Variants in IFFO2 observed in about 807,000 individuals in gnomAD.
IFFO2 encodes the protein intermediate filament family orphan 2.
IFFO2 carries 19 observed loss-of-function variants against 53.5 expected under a neutral mutation model. The ratio of observed to expected loss-of-function variants is 0.36; its 90% CI spans 0.25 to 0.52. The LOEUF (loss-of-function observed/expected upper bound fraction) is 0.52, where lower values mean the gene tolerates loss of function less well. Ranked by LOEUF, IFFO2 falls within the 20% of genes least tolerant of loss-of-function variation. IFFO2 has a pLI of 0.94. For synonymous variants in IFFO2, 303 were observed against 313.6 expected (o/e 0.97, Z 0.36); for missense variants, 570 against 727.4 (o/e 0.78, Z 2.49).
intron 1 of IFFO2, among the ~76,000 whole-genome samples, chr1:18,954,130 G>A (rs559721948): frequency 6.6e-6 from 1 of 152,360 alleles, no homozygotes; most frequent in East Asian, 1.9e-4. Context: ...CAGGAGAGAA[G>A]CCCGTCTCCC....
At chr1:18,915,386 C>CA (rs55893921) in intron 5 of IFFO2, among the ~76,000 whole-genome samples, 143,489 of 152,028 alleles carry the variant, frequency 0.94, 67,740 homozygotes, top group South Asian at 0.96. Context: ...TGATTGGTAG[C>CA]TCTGATTTCC....
In IFFO2 at chr1:18,956,322, G is replaced by A; in HGVS notation, c.11C>T (p.Ser4Leu). ...CAAGGCCATCTCCCCGAACAGCAGC[G>A]AGTTCACCATGCGCCGGCTGCGCGG... MVNSLLFGEMALAF... is the reference protein window; with the variant it reads MVNLLLFGEMALAF... The change falls in exon 1 of 9, where the codon TCG (serine) becomes TTG (leucine). Residue 4 changes from serine to leucine, a missense_variant. Ser to Leu is a moderately radical substitution (Grantham distance 145). Transcript: ENST00000455833. The surrounding 1 kb of genome is among the most constrained non-coding windows in gnomAD (Gnocchi z 6.4). 1 of 378,362 alleles carries A rather than the reference G, an allele frequency of 2.6e-6. No individual in the cohort carries two copies. Among genetic ancestry groups the A allele is most frequent in the Non-Finnish European group, 4.0e-6 (1 of 252,994 alleles). The allele number at this position is 378,362 out of a possible 1,614,324, so 23.4% of individuals were successfully genotyped here.
intron 1 of IFFO2, among the ~76,000 whole-genome samples, chr1:18,944,997 G>A (rs1183322967): frequency 6.6e-6 from 1 of 152,176 alleles, no homozygotes; most frequent in Non-Finnish European, 1.5e-5. Context: ...GCAGTGCCAG[G>A]CTCAAGCCCG....
At position 18,910,392 on chromosome 1, in the gene IFFO2, C is replaced by T; in HGVS notation, c.1398G>A (p.Leu466=). The T allele has an allele frequency of 6.2e-7, 1 of 1,613,940 alleles. No homozygotes were observed. The highest frequency in any genetic ancestry group is 1.3e-5 in the African/African-American group (1 of 75,038). Residue 466 remains leucine (L), a synonymous_variant, in exon 8 of 9, where the codon CTG becomes CTA. Coordinates refer to ENST00000455833, the MANE Select transcript of IFFO2 (RefSeq NM_001136265.2). The part of the protein sequence containing the change: ...YMEMCSMKRG[L]DVQMETCRRL... ...GGCGGCAGGTCTCCATCTGCACGTC[C>T]AGGCCTCGCTTCATGCTGCACATCT...
At position 18,956,280 on chromosome 1, in the gene IFFO2, G is replaced by A. The variant is rs1936727098; in HGVS notation, c.53C>T (p.Pro18Leu). 4 of 804,452 alleles carry A rather than the reference G, an allele frequency of 5.0e-6. No homozygotes were observed. The highest frequency in any genetic ancestry group is 4.1e-5 in the South Asian group (1 of 24,626). 49.8% of individuals were successfully genotyped at this position (804,452 alleles called of 1,614,324 possible). The change falls in exon 1 of 9, where the codon CCG becomes CTG. Residue 18 changes from proline to leucine, a missense_variant. Pro to Leu is a moderately conservative substitution (Grantham distance 98, BLOSUM62 -3). Coordinates refer to ENST00000455833, the MANE Select transcript of IFFO2 (RefSeq NM_001136265.2). This position sits in a 1 kb window ranked among gnomAD's most constrained non-coding sequence, Gnocchi z 6.4. ...AGGGCAGCCCCCGCCGCCGCCGCCC[G>A]GCGGGCAGCCGAAGGCCAAGGCCAT... ...GEMALAFGCP[P>L]GGGGGGCPGG...
intron 1 of IFFO2, among the ~76,000 whole-genome samples, chr1:18,922,904 G>A (rs1161715089): frequency 6.6e-6 from 1 of 151,968 alleles, no homozygotes; most frequent in African/African-American, 2.4e-5. Context: ...GCCCCATGTT[G>A]GGGACAGGAA....
intron 1 of IFFO2, among the ~76,000 whole-genome samples, chr1:18,946,409 CTT>C (rs71577809): frequency 2.3e-4 from 22 of 96,496 alleles, no homozygotes; most frequent in African/African-American, 4.4e-4. Context: ...TTGCCACTTT[CTT>C]TTTTTTTTTT....
intron 7 of IFFO2, 121 bp from the exon 8 acceptor site, chr1:18,910,593 G>A (rs897907356): frequency 9.6e-6 from 11 of 1,151,768 alleles, no homozygotes; most frequent in Non-Finnish European, 1.2e-5. Flanking sequence ...TGGACACCAT[G>A]CCATCAGGAC....
At chr1:18,933,128 G>A (rs1164170356) in intron 1 of IFFO2, among the ~76,000 whole-genome samples, 1 of 152,268 alleles carries the variant, frequency 6.6e-6, no homozygotes, top group African/African-American at 2.4e-5. Flanking sequence ...CCTGCTGAGA[G>A]AGGGGAGGCG....
chr1:18,918,802 G>T lies in IFFO2; in HGVS notation c.823-300C>A, dbSNP rs946768302. The stretch of plus-strand genomic sequence containing the variant: ...TCCGTGTTCACTTTGTTAGAGCGAA[G>T]AAAAAAGACAACTCCCGCTGGAGAA... On this transcript the variant is annotated intron_variant, in intron 3 of 8. Coordinates refer to ENST00000455833, the MANE Select transcript of IFFO2 (RefSeq NM_001136265.2). This position sits in a 1 kb window ranked among gnomAD's most constrained non-coding sequence, Gnocchi z 5.2. Among the ~76,000 whole-genome samples the T allele has an allele frequency of 6.6e-6, 1 of 152,046 alleles. No homozygotes were observed. Among genetic ancestry groups the T allele is most frequent in the Admixed American group, 6.5e-5 (1 of 15,274 alleles).
intron 1 of IFFO2, among the ~76,000 whole-genome samples, chr1:18,925,877 A>T (rs1569847239): frequency 7.1e-5 from 2 of 28,308 alleles, no homozygotes; most frequent in Middle Eastern, 0.022. Flanking sequence ...GGATGGATGG[A>T]TGGATGGATG....
At chr1:18,915,797 C>T (rs1936124838) in intron 5 of IFFO2, among the ~76,000 whole-genome samples, 1 of 152,192 alleles carries the variant, frequency 6.6e-6, no homozygotes, top group Admixed American at 6.5e-5. Context: ...CCAAGGGAAA[C>T]TAGTGCAGGT....
In IFFO2 at chr1:18,905,879, T is replaced by C. The variant is rs1282861288; in HGVS notation, c.*2682A>G. On this transcript the variant is annotated 3_prime_UTR_variant, in exon 9 of 9. Coordinates refer to ENST00000455833, the MANE Select transcript of IFFO2 (RefSeq NM_001136265.2). ...ACCAGTGTCAATATGACACTGGGCT[T>C]AGAAATAGAAAGTCAAAATTAAGTA... 6.6e-6 allele frequency: 1 copy of C among 152,134 alleles called. No individual in the cohort carries two copies. Among genetic ancestry groups the C allele is most frequent in the African/African-American group, 2.4e-5 (1 of 41,402 alleles). The allele number at this position is 152,134 out of a possible 1,614,324, so 9.4% of individuals were successfully genotyped here.
intron 8 of IFFO2, 80 bp from the exon 9 acceptor site, chr1:18,908,746 G>T: frequency 1.0e-6 from 1 of 974,970 alleles, no homozygotes; most frequent in Non-Finnish European, 1.6e-6. Context: ...AGGCTGAGCT[G>T]CCACTTCTAT....
rs762010920 is a variant in IFFO2, at chr1:18,916,001, T to C, written c.1103+902A>G. Among the ~76,000 whole-genome samples the C allele has an allele frequency of 6.6e-6, 1 of 152,026 alleles. No homozygotes were observed. The highest frequency in any genetic ancestry group is 1.5e-5 in the Non-Finnish European group (1 of 68,006). The stretch of plus-strand genomic sequence containing the variant: ...TTAGCCGGGCATCATGGTGCATGCC[T>C]GTGATTCCAGCTACTTGGGAGGCTG... On this transcript the variant is annotated intron_variant, in intron 5 of 8. Coordinates refer to ENST00000455833, the MANE Select transcript of IFFO2 (RefSeq NM_001136265.2). This position sits in a 1 kb window ranked among gnomAD's most constrained non-coding sequence, Gnocchi z 4.3.
intron 1 of IFFO2, among the ~76,000 whole-genome samples, chr1:18,941,358 G>A (rs1467098280): frequency 6.6e-6 from 1 of 152,338 alleles, no homozygotes; most frequent in African/African-American, 2.4e-5. Context: ...GGGGTGATGT[G>A]CTTGGACTTA....
chr1:18,946,501 G>GC (rs1036913643), intron 1 of IFFO2, among the ~76,000 whole-genome samples: 18 of 137,272 alleles, frequency 1.3e-4, no homozygotes, highest in Middle Eastern at 4.5e-3. Flanking sequence ...TGCAACCTCC[G>GC]CCCTCCAAGT....
intron 1 of IFFO2, among the ~76,000 whole-genome samples, chr1:18,943,014 C>T (rs1936540056): frequency 6.6e-6 from 1 of 151,730 alleles, no homozygotes; most frequent in Non-Finnish European, 1.5e-5. Context: ...AATTTAAGTC[C>T]TGATGTTTTA....
At chr1:18,955,634 G>A in intron 1 of IFFO2, 34 bp downstream of exon 1, 3 of 1,533,818 alleles carry the variant, frequency 2.0e-6, no homozygotes, top group East Asian at 5.2e-5. Flanking sequence ...TGGGCGCCCC[G>A]TCCCAGGGCG....
Sources: gnomAD v4.1 joint callset for allele counts (sites outside exome capture counted in the v4.1 genomes callset) on GRCh38, gnomAD v4.1.1 for gene constraint, Gnocchi (gnomAD v3.1) non-coding constraint, MANE v1.5 for transcripts, NCBI Gene and HGNC (gene_info 2026-07-23, HGNC 2026-07-21) for gene names.